Variants in FCRL6 observed in about 807,000 individuals in gnomAD.
FCRL6 encodes Fc receptor-like protein 6.
Under a neutral mutation model 49.1 loss-of-function variants are expected in FCRL6, and 50 were observed. The ratio of observed to expected loss-of-function variants is 1.02; its 90% CI spans 0.81 to 1.29. FCRL6 has a LOEUF of 1.29. Ranked by LOEUF, FCRL6 falls within the 50% of genes most tolerant of loss-of-function variation. The pLI is 0.00. For synonymous variants in FCRL6, 213 were observed against 199.6 expected, an observed-to-expected ratio of 1.07 and a Z score of -0.57; for missense variants, 571 against 518.5, an observed-to-expected ratio of 1.10 and a Z score of -0.98.
chr1:159,802,553 TG>T, intron 1 of FCRL6, 98 bp downstream of exon 1: 2 of 1,129,966 alleles, frequency 1.8e-6, no homozygotes, highest in Non-Finnish European at 2.6e-6. Flanking sequence ...CCAATTCCAG[TG>T]GGTTTGTGGC....
At chr1:159,804,955 C>T (rs914317116) in intron 1 of FCRL6, among the ~76,000 whole-genome samples, 1 of 152,188 alleles carries the variant, frequency 6.6e-6, no homozygotes, top group Non-Finnish European at 1.5e-5. Flanking sequence ...ACCTTCACAA[C>T]TACACTGTAA....
chr1:159,803,718 A>G (rs1662490933), intron 1 of FCRL6, among the ~76,000 whole-genome samples: 1 of 152,164 alleles, frequency 6.6e-6, no homozygotes, highest in Non-Finnish European at 1.5e-5. Flanking sequence ...AGGATGACAG[A>G]CAGCAAATGA....
Position 159,809,120 on chromosome 1 carries a change from GC to G in FCRL6, c.482del (p.Pro161LeufsTer105). On this transcript the variant is annotated frameshift_variant, in exon 4 of 10. Coordinates refer to ENST00000368106, the MANE Select transcript of FCRL6 (RefSeq NM_001004310.3). LOFTEE classifies it high-confidence loss of function. ...GACGGCCACACCTTGCAGGACAGGG[GC>G]CCTCACCCAGAACTCTGCATCCCGG... The part of the protein sequence containing the change: ...HKDGHTLQDR[G>X]PHPELCIPGA... 1 of 1,614,040 alleles carries G rather than the reference GC, an allele frequency of 6.2e-7. No homozygotes were observed. Among genetic ancestry groups the G allele is most frequent in the Non-Finnish European group, 8.5e-7 (1 of 1,179,960 alleles).
chr1:159,808,752 T>C (rs1662880388), intron 3 of FCRL6: 2 of 620,656 alleles, frequency 3.2e-6, no homozygotes, highest in Non-Finnish European at 5.6e-6. Context: ...CCTCTGCCTC[T>C]GACTTCCAAG....
rs760091563 is a variant in FCRL6 at position 159,808,283 on chromosome 1, A to G, written c.158A>G (p.Tyr53Cys). The change falls in exon 3 of 10, where the codon TAC becomes TGC. Residue 53 changes from tyrosine to cysteine, a missense_variant. Tyr to Cys is a radical substitution (Grantham distance 194). Transcript: ENST00000368106. Reference protein sequence around the residue: ...KNTPLSQVKFYRDGKFLHFSK... With the variant: ...KNTPLSQVKFCRDGKFLHFSK... The stretch of plus-strand genomic sequence containing the variant: ...ACACCACTGTCTCAGGTGAAGTTCT[A>G]CAGAGATGGAAAATTCCTTCATTTC... 6 of 1,614,226 alleles carry G rather than the reference A, an allele frequency of 3.7e-6. No homozygotes were observed. Among genetic ancestry groups the G allele is most frequent in the African/African-American group, 1.3e-5 (1 of 75,066 alleles).
intron 2 of FCRL6, 23 bp downstream of exon 2, chr1:159,806,639 C>A: frequency 6.2e-7 from 1 of 1,612,990 alleles, no homozygotes; most frequent in Non-Finnish European, 8.5e-7. Context: ...CATGTCTCTT[C>A]TAATTCAAAG....
At chr1:159,803,587 T>A (rs777549508) in intron 1 of FCRL6, among the ~76,000 whole-genome samples, 3 of 152,112 alleles carry the variant, frequency 2.0e-5, no homozygotes, top group Admixed American at 6.5e-5. Flanking sequence ...AATGCCTGGA[T>A]ATACTCCAGG....
Position 159,802,454 on chromosome 1 carries a change from T to C in FCRL6, c.30T>C (p.Phe10=). The C allele has an allele frequency of 6.2e-7, 1 of 1,613,628 alleles. No homozygotes were observed. Among genetic ancestry groups the C allele is most frequent in the Non-Finnish European group, 8.5e-7 (1 of 1,179,726 alleles). The change falls in exon 1 of 10, where the codon TTT becomes TTC. Residue 10 remains phenylalanine, a splice_region_variant and synonymous_variant. Transcript: ENST00000368106. ...TGCTCTGGACGGCTGTGCTGCTCTT[T>C]GGTAAGTCAACGAGCATGGGCATCC... The part of the protein sequence containing the change: MLLWTAVLL[F]VPCVGKTVWL...
chr1:159,814,406 C>G, intron 8 of FCRL6, 114 bp downstream of exon 8: 1 of 742,838 alleles, frequency 1.3e-6, no homozygotes, highest in South Asian at 1.6e-5. Context: ...ACCACCATCA[C>G]TATCACCAAG....
intron 2 of FCRL6, among the ~76,000 whole-genome samples, chr1:159,807,479 C>G (rs1662768464): frequency 6.6e-6 from 1 of 152,238 alleles, no homozygotes; most frequent in Non-Finnish European, 1.5e-5. Flanking sequence ...CCTGGGAGCT[C>G]TTCTCCTGCT....
chr1:159,806,555 T>G, intron 1 of FCRL6, 41 bp from the exon 2 acceptor site: 1 of 1,599,188 alleles, frequency 6.3e-7, no homozygotes, highest in Non-Finnish European at 8.6e-7. Context: ...GAAAGCTCTT[T>G]TTGCTACTTA....
intron 2 of FCRL6, 34 bp from the exon 3 acceptor site, chr1:159,808,144 A>T (rs766414224): frequency 7.5e-5 from 119 of 1,582,054 alleles, no homozygotes; most frequent in Non-Finnish European, 1.0e-4. Flanking sequence ...TGGGACCTGT[A>T]GCTCCAGGGC....
At chr1:159,814,796 G>C (rs548484641) in intron 8 of FCRL6, among the ~76,000 whole-genome samples, 1 of 152,308 alleles carries the variant, frequency 6.6e-6, no homozygotes, top group Non-Finnish European at 1.5e-5. Flanking sequence ...TGGGGGAAAG[G>C]CTGGTCCTTT....
rs775459196 is a variant in FCRL6, at chr1:159,809,424, C to CA, written c.628dup (p.Thr210AsnfsTer8). The CA allele has an allele frequency of 6.2e-7, 1 of 1,610,802 alleles. No individual in the cohort carries two copies. The highest frequency in any genetic ancestry group is 8.5e-7 in the Non-Finnish European group (1 of 1,177,942). On this transcript the variant is annotated frameshift_variant, in exon 5 of 10. Coordinates refer to ENST00000368106, the MANE Select transcript of FCRL6 (RefSeq NM_001004310.3). LOFTEE classifies it high-confidence loss of function. Reference sequence around the variant, plus strand: ...CAGCTCCTGTATCCCGTCCTGTGCTCACTCTGCACCACGGGCCTGCTGACC... The same window carrying CA: ...CAGCTCCTGTATCCCGTCCTGTGCTCAACTCTGCACCACGGGCCTGCTGACC...
chr1:159,814,671 G>T (rs1020543211), intron 8 of FCRL6, among the ~76,000 whole-genome samples: 1 of 152,194 alleles, frequency 6.6e-6, no homozygotes, highest in Non-Finnish European at 1.5e-5. Context: ...GAGAAAAAAT[G>T]ATGTAGTCTT....
intron 1 of FCRL6, among the ~76,000 whole-genome samples, 194 bp downstream of exon 1, chr1:159,802,649 C>A (rs1662412532): frequency 6.6e-6 from 1 of 152,122 alleles, no homozygotes; most frequent in Non-Finnish European, 1.5e-5. Flanking sequence ...TGTTTCCTAC[C>A]CCGTAGTCCT....
chr1:159,810,664 T>C (rs923904655), intron 6 of FCRL6, among the ~76,000 whole-genome samples: 41 of 151,906 alleles, frequency 2.7e-4, no homozygotes, highest in African/African-American at 9.2e-4. Context: ...AGAACTACAG[T>C]GTGTATGCAT....
intron 8 of FCRL6, 43 bp downstream of exon 8, chr1:159,814,335 G>A: frequency 6.7e-7 from 1 of 1,498,946 alleles, no homozygotes; most frequent in Non-Finnish European, 9.3e-7. Context: ...GCAAACAGAA[G>A]TTTTGGACCT....
intron 6 of FCRL6, among the ~76,000 whole-genome samples, chr1:159,811,086 T>A (rs973438049): frequency 1.3e-5 from 2 of 152,260 alleles, no homozygotes; most frequent in Non-Finnish European, 2.9e-5. Context: ...AACAATCAGA[T>A]AAACGACATT....
Sources: gnomAD v4.1 joint callset for allele counts (sites outside exome capture counted in the v4.1 genomes callset) on GRCh38, gnomAD v4.1.1 for gene constraint, MANE v1.5 for transcripts, NCBI Gene and HGNC (gene_info 2026-07-23, HGNC 2026-07-21) for gene names.